Variants in BICD1 observed in about 807,000 individuals in gnomAD.
BICD1 encodes the protein BICD cargo adaptor 1, also known as protein bicaudal D homolog 1.
A neutral mutation model predicts 92.5 loss-of-function variants in BICD1; 35 were observed. The ratio of observed to expected loss-of-function variants is 0.38; its 90% CI spans 0.29 to 0.50. The LOEUF is 0.50. BICD1 is among the 20% of genes least tolerant of loss of function. BICD1 has a pLI of 0.93. For missense variants in BICD1, 950 were observed against 1,189.8 expected (o/e 0.80, Z 2.97); for synonymous variants, 429 against 465.1 (o/e 0.92, Z 1.00).
chr12:32,378,084 A>G lies in BICD1; in HGVS notation c.*457A>G, dbSNP rs1362182776. ...TTGCTACATGATTTATGTCTATACA[A>G]ATAATTTCTCTGAGGTGAATTTAAT... is the stretch of plus-strand genomic sequence containing the variant. On this transcript the variant is annotated 3_prime_UTR_variant, in exon 10 of 10. Transcript: ENST00000652176. 1 of 152,666 alleles carries G rather than the reference A, an allele frequency of 6.6e-6. No individual in the cohort carries two copies. Among genetic ancestry groups the G allele is most frequent in the Non-Finnish European group, 1.5e-5 (1 of 68,294 alleles). 9.5% of individuals were successfully genotyped at this position (152,666 alleles called of 1,614,324 possible). A position where few individuals can be genotyped will look rare whatever the true frequency, so the allele number is the denominator to read the frequency against.
intron 1 of BICD1, chr12:32,108,404 C>T (rs769014578): frequency 5.8e-5 from 18 of 312,264 alleles, no homozygotes; most frequent in Non-Finnish European, 9.4e-5. Flanking sequence ...AAACAATGAA[C>T]GTGCTTTGAT....
At chr12:32,225,818 C>T (rs67607066) in intron 2 of BICD1, among the ~76,000 whole-genome samples, 11,148 of 151,664 alleles carry the variant, frequency 0.074, 635 homozygotes, top group East Asian at 0.26. Context: ...GACGAGGTTT[C>T]GCCATGTTGA....
intron 1 of BICD1, among the ~76,000 whole-genome samples, chr12:32,142,461 T>TCTATCCTATC (rs1555134299): frequency 1.7e-5 from 1 of 58,944 alleles, no homozygotes; most frequent in African/African-American, 4.7e-5. Flanking sequence ...ATCCTATCTA[T>TCTATCCTATC]CTATCTATCT....
chr12:32,212,213 G>GTT (rs1945236605), intron 1 of BICD1, among the ~76,000 whole-genome samples: 1 of 148,590 alleles, frequency 6.7e-6, no homozygotes, highest in African/African-American at 2.5e-5. Context: ...GTGTTTTTTT[G>GTT]TTTTTGTTTT....
intron 6 of BICD1, among the ~76,000 whole-genome samples, chr12:32,335,276 G>A (rs1479385950): frequency 1.3e-5 from 2 of 151,690 alleles, no homozygotes; most frequent in Non-Finnish European, 2.9e-5. Context: ...TCACCCTCCC[G>A]AGTAGCTGGG....
At chr12:32,231,365 C>T (rs1243639757) in intron 2 of BICD1, among the ~76,000 whole-genome samples, 1 of 151,898 alleles carries the variant, frequency 6.6e-6, no homozygotes, top group South Asian at 2.1e-4. Flanking sequence ...TGCCTGTAGT[C>T]CCAGATACTC....
chr12:32,346,668 A>G (rs1218141832), intron 8 of BICD1, among the ~76,000 whole-genome samples: 7 of 123,274 alleles, frequency 5.7e-5, no homozygotes, highest in Non-Finnish European at 1.0e-4. Flanking sequence ...ACACACACAC[A>G]CGCACACACA....
At chr12:32,290,848 C>G (rs1947706981) in intron 2 of BICD1, among the ~76,000 whole-genome samples, 1 of 152,148 alleles carries the variant, frequency 6.6e-6, no homozygotes, top group Admixed American at 6.5e-5. Context: ...GAGTTGAGCC[C>G]CTTCTTTTCC....
chr12:32,364,350 A>G (rs981975920), intron 8 of BICD1, among the ~76,000 whole-genome samples: 31 of 152,288 alleles, frequency 2.0e-4, no homozygotes, highest in Middle Eastern at 3.4e-3. Flanking sequence ...TAGACGGAGC[A>G]GGGGAGATCA....
chr12:32,273,554 G>A (rs973421383), intron 2 of BICD1, among the ~76,000 whole-genome samples: 6 of 152,178 alleles, frequency 3.9e-5, no homozygotes, highest in African/African-American at 9.7e-5. Flanking sequence ...TTATACCCCC[G>A]TCACATTGCT....
At chr12:32,191,332 A>G (rs1406153731) in intron 1 of BICD1, among the ~76,000 whole-genome samples, 1 of 151,924 alleles carries the variant, frequency 6.6e-6, no homozygotes, top group Admixed American at 6.6e-5. Flanking sequence ...ACCAAGAAAA[A>G]AAGAGAGAAC....
intron 2 of BICD1, among the ~76,000 whole-genome samples, chr12:32,287,041 G>A (rs1011465878): frequency 2.6e-5 from 4 of 152,046 alleles, no homozygotes; most frequent in African/African-American, 9.7e-5. Flanking sequence ...GCTCAGGGAA[G>A]GTTTCCCTGA....
chr12:32,193,554 G>C (rs965203588), intron 1 of BICD1, among the ~76,000 whole-genome samples: 4 of 152,054 alleles, frequency 2.6e-5, no homozygotes, highest in Non-Finnish European at 4.4e-5. Context: ...CAAATAAATA[G>C]AATCATAAGA....
At chr12:32,129,999 T>C (rs990237976) in intron 1 of BICD1, among the ~76,000 whole-genome samples, 6 of 152,112 alleles carry the variant, frequency 3.9e-5, no homozygotes, top group African/African-American at 1.4e-4. Flanking sequence ...TTATTATTCC[T>C]AAAATATAGG....
chr12:32,143,409 G>A (rs1943006905), intron 1 of BICD1, among the ~76,000 whole-genome samples: 1 of 152,004 alleles, frequency 6.6e-6, no homozygotes, highest in Admixed American at 6.6e-5. Flanking sequence ...TTACATGAAT[G>A]GAATAATATT....
intron 2 of BICD1, among the ~76,000 whole-genome samples, chr12:32,241,759 T>C (rs1190593036): frequency 6.6e-6 from 1 of 152,160 alleles, no homozygotes; most frequent in African/African-American, 2.4e-5. Flanking sequence ...CCCCAGTGTA[T>C]CCCATCAAAT....
Position 32,377,677 on chromosome 12 carries a change from C to T in BICD1, c.*50C>T, listed in dbSNP as rs758800679. ...CTGGGGTGGAAGTTTTGTAGCCACA[C>T]ACAGGATACTGCCCAAGATCCAGCG... On this transcript the variant is annotated 3_prime_UTR_variant, in exon 10 of 10. Coordinates refer to ENST00000652176, the MANE Select transcript of BICD1 (RefSeq NM_001714.4). The T allele has an allele frequency of 6.8e-7, 1 of 1,473,076 alleles. No individual in the cohort carries two copies. The highest frequency in any genetic ancestry group is 1.4e-5 in the African/African-American group (1 of 71,918). 91.3% of individuals were successfully genotyped at this position (1,473,076 alleles called of 1,614,324 possible). A position where few individuals can be genotyped will look rare whatever the true frequency, so the allele number is the denominator to read the frequency against.
At position 32,313,962 on chromosome 12, in the gene BICD1, T is replaced by C. The variant is rs1357888773; in HGVS notation, c.1005+7840T>C. ...CCATGCCACTGCACTCCAGCCTAGGTGAAAGAGCGTGACCCTATCAATAAA... is the reference window on the plus strand; with the variant it reads ...CCATGCCACTGCACTCCAGCCTAGGCGAAAGAGCGTGACCCTATCAATAAA... On this transcript the variant is annotated intron_variant, in intron 4 of 9. Transcript: ENST00000652176. This position sits in a 1 kb window ranked among gnomAD's most constrained non-coding sequence, Gnocchi z 4.2. Among the ~76,000 whole-genome samples the C allele has an allele frequency of 6.6e-6, 1 of 152,138 alleles. No individual in the cohort carries two copies. Among genetic ancestry groups the C allele is most frequent in the Non-Finnish European group, 1.5e-5 (1 of 68,022 alleles).
chr12:32,177,283 C>T (rs914105193), intron 1 of BICD1, among the ~76,000 whole-genome samples: 1 of 151,350 alleles, frequency 6.6e-6, no homozygotes. Flanking sequence ...CCATGGCACT[C>T]CAGTCTGGGC....
Sources: gnomAD v4.1 joint callset for allele counts (sites outside exome capture counted in the v4.1 genomes callset) on GRCh38, gnomAD v4.1.1 for gene constraint, Gnocchi (gnomAD v3.1) non-coding constraint, MANE v1.5 for transcripts, NCBI Gene and HGNC (gene_info 2026-07-23, HGNC 2026-07-21) for gene names.